Variants in PRDM16 observed in about 807,000 individuals in gnomAD.
The protein encoded by PRDM16 is histone-lysine N-methyltransferase PRDM16.
PRDM16 carries 23 observed loss-of-function variants against 110.6 expected under a neutral mutation model. That is an observed-to-expected ratio of 0.21 (90% confidence interval 0.15 to 0.29). PRDM16 has a LOEUF of 0.29. PRDM16 is among the 10% of genes least tolerant of loss of function. PRDM16 has a pLI of 1.00. For missense variants in PRDM16, 1,615 were observed against 1,794.3 expected (o/e 0.90, Z 1.81); for synonymous variants, 799 against 781.8 (o/e 1.02, Z -0.37).
chr1:3,328,771 C>G (rs145640585), intron 3 of PRDM16, among the ~76,000 whole-genome samples: 118 of 152,314 alleles, frequency 7.7e-4, no homozygotes, highest in African/African-American at 2.5e-3. Flanking sequence ...GCAGCTCATA[C>G]GCAGAATCTG....
intron 1 of PRDM16, among the ~76,000 whole-genome samples, chr1:3,097,708 CAG>C (rs1176280151): frequency 6.6e-6 from 1 of 152,166 alleles, no homozygotes; most frequent in Non-Finnish European, 1.5e-5. Flanking sequence ...GAGGCAGAGA[CAG>C]GGGCAGCCAC....
Position 3,339,453 on chromosome 1 carries a change from A to G in PRDM16, c.439-45699A>G, listed in dbSNP as rs889082385. On this transcript the variant is annotated intron_variant, in intron 3 of 16. Coordinates refer to ENST00000270722, the MANE Select transcript of PRDM16 (RefSeq NM_022114.4). This position sits in a 1 kb window ranked among gnomAD's most constrained non-coding sequence, Gnocchi z 5.0. Reference sequence around the variant, plus strand: ...CTCAGAGCAGAGCGGAAAGGGCATGACCCCTACCCAGTGAATCCACAGGGG... The same window carrying G: ...CTCAGAGCAGAGCGGAAAGGGCATGGCCCCTACCCAGTGAATCCACAGGGG... Among the ~76,000 whole-genome samples the G allele has an allele frequency of 4.6e-5, 7 of 151,718 alleles. No individual in the cohort carries two copies. Among genetic ancestry groups the G allele is most frequent in the Non-Finnish European group, 1.0e-4 (7 of 67,930 alleles).
intron 2 of PRDM16, among the ~76,000 whole-genome samples, chr1:3,191,739 G>A (rs1638313184): frequency 6.6e-6 from 1 of 152,214 alleles, no homozygotes; most frequent in South Asian, 2.1e-4. Flanking sequence ...GTGATAGGAT[G>A]ACGATGGAGT....
At chr1:3,197,196 G>A (rs920199817) in intron 2 of PRDM16, among the ~76,000 whole-genome samples, 4 of 152,192 alleles carry the variant, frequency 2.6e-5, no homozygotes, top group Admixed American at 1.3e-4. Flanking sequence ...TATGAACTGG[G>A]CCCCAGGGAG....
chr1:3,166,915 C>T (rs1268856664), intron 1 of PRDM16, among the ~76,000 whole-genome samples: 1 of 152,210 alleles, frequency 6.6e-6, no homozygotes, highest in Non-Finnish European at 1.5e-5. Context: ...CTGTTTTTCT[C>T]CTGCTGCATA....
chr1:3,325,924 T>G (rs1027220827), intron 3 of PRDM16, among the ~76,000 whole-genome samples: 2 of 102,966 alleles, frequency 1.9e-5, no homozygotes, highest in African/African-American at 8.1e-5. Flanking sequence ...TTGGCCCTCC[T>G]CGGCCCTCTT....
chr1:3,076,730 G>A (rs1024336954), intron 1 of PRDM16, among the ~76,000 whole-genome samples: 2 of 152,206 alleles, frequency 1.3e-5, no homozygotes, highest in Non-Finnish European at 2.9e-5. Context: ...GCTTTACCGG[G>A]GCTTCTTAGT....
intron 1 of PRDM16, among the ~76,000 whole-genome samples, chr1:3,078,701 C>G (rs1466621216): frequency 6.6e-6 from 1 of 152,128 alleles, no homozygotes; most frequent in African/African-American, 2.4e-5. Context: ...AACGTTTTAG[C>G]GGAGGGAGGA....
chr1:3,182,337 T>C (rs2817135), intron 1 of PRDM16, among the ~76,000 whole-genome samples: 125,106 of 152,196 alleles, frequency 0.82, 51,784 homozygotes, highest in Admixed American at 0.87. Context: ...GCACTGCTCG[T>C]GTGGCCCTGG....
intron 1 of PRDM16, among the ~76,000 whole-genome samples, chr1:3,182,401 C>T (rs539706650): frequency 8.1e-4 from 123 of 152,314 alleles, no homozygotes; most frequent in Admixed American, 1.7e-3. Flanking sequence ...CTGTCCTGGC[C>T]GGTTTAGCAC....
chr1:3,113,443 A>G (rs1349645801), intron 1 of PRDM16, among the ~76,000 whole-genome samples: 1 of 121,504 alleles, frequency 8.2e-6, no homozygotes, highest in Non-Finnish European at 1.6e-5. Flanking sequence ...TGCACTTACT[A>G]GGTGCTTAGC....
Position 3,081,681 on chromosome 1 carries a change from C to T in PRDM16, c.37+12385C>T, listed in dbSNP as rs1642031977. ...TGGGCAGGACAGCTGGACCTCCTGGCCACACAGCCGCTTCCCACCCCTGGG... is the reference window on the plus strand; with the variant it reads ...TGGGCAGGACAGCTGGACCTCCTGGTCACACAGCCGCTTCCCACCCCTGGG... On this transcript the variant is annotated intron_variant, in intron 1 of 16. Transcript: ENST00000270722. The surrounding 1 kb of genome is among the most constrained non-coding windows in gnomAD (Gnocchi z 4.6). Among the ~76,000 whole-genome samples the T allele has an allele frequency of 6.6e-6, 1 of 152,114 alleles. No homozygotes were observed. The highest frequency in any genetic ancestry group is 1.5e-5 in the Non-Finnish European group (1 of 67,996).
At chr1:3,298,609 A>G (rs1046342563) in intron 3 of PRDM16, among the ~76,000 whole-genome samples, 1 of 152,118 alleles carries the variant, frequency 6.6e-6, no homozygotes, top group Non-Finnish European at 1.5e-5. Context: ...GTGGTTCCCA[A>G]TTCATATCAG....
intron 3 of PRDM16, among the ~76,000 whole-genome samples, chr1:3,284,635 G>A (rs955832461): frequency 3.9e-5 from 6 of 152,220 alleles, no homozygotes; most frequent in African/African-American, 9.7e-5. Context: ...GTGGGAGTGC[G>A]GTCTTGATAC....
chr1:3,084,394 G>A (rs1032346716), intron 1 of PRDM16, among the ~76,000 whole-genome samples: 2 of 152,196 alleles, frequency 1.3e-5, no homozygotes, highest in Non-Finnish European at 2.9e-5. Context: ...GGCCGAAAGC[G>A]CTCGGCGGCC....
At chr1:3,079,474 G>A (rs1189166508) in intron 1 of PRDM16, among the ~76,000 whole-genome samples, 1 of 152,170 alleles carries the variant, frequency 6.6e-6, no homozygotes, top group Non-Finnish European at 1.5e-5. Flanking sequence ...AGCCTGTAAT[G>A]CAGAGAGTGT....
At chr1:3,418,446 G>A (rs1006041380) in intron 11 of PRDM16, among the ~76,000 whole-genome samples, 1 of 152,180 alleles carries the variant, frequency 6.6e-6, no homozygotes, top group Non-Finnish European at 1.5e-5. Context: ...CGCTTCAGGG[G>A]GCAGGGGCTG....
intron 1 of PRDM16, among the ~76,000 whole-genome samples, chr1:3,115,580 G>C (rs570194148): frequency 7.3e-4 from 111 of 152,344 alleles, no homozygotes; most frequent in Non-Finnish European, 1.4e-3. Context: ...ACACTGCCCC[G>C]GCGCCGGCCT....
chr1:3,096,668 C>A (rs896648840), intron 1 of PRDM16, among the ~76,000 whole-genome samples: 1 of 152,150 alleles, frequency 6.6e-6, no homozygotes, highest in Non-Finnish European at 1.5e-5. Flanking sequence ...CCTGGACCAG[C>A]GAGGAAGACG....
Sources: gnomAD v4.1 joint callset for allele counts (sites outside exome capture counted in the v4.1 genomes callset) on GRCh38, gnomAD v4.1.1 for gene constraint, Gnocchi (gnomAD v3.1) non-coding constraint, MANE v1.5 for transcripts, NCBI Gene and HGNC (gene_info 2026-07-23, HGNC 2026-07-21) for gene names.